PAPPA: variants seen among roughly 807,000 people sequenced by gnomAD.
PAPPA encodes the protein pappalysin-1.
PAPPA carries 60 observed loss-of-function variants against 164.0 expected under a neutral mutation model. That is an observed-to-expected ratio of 0.37 (90% CI 0.30 to 0.45). The LOEUF is 0.45. Among genes scored for constraint, PAPPA ranks in the 20% least tolerant of loss-of-function variants. The pLI is 1.00. For missense variants in PAPPA, 1,782 were observed against 2,087.3 expected (o/e 0.85, Z 2.85); for synonymous variants, 875 against 814.1 (o/e 1.07, Z -1.27).
At chr9:116,321,097 G>C (rs556625902) in intron 10 of PAPPA, among the ~76,000 whole-genome samples, 2 of 150,784 alleles carry the variant, frequency 1.3e-5, no homozygotes, top group Non-Finnish European at 2.9e-5. Context: ...GTGCTATCTC[G>C]GCTCACTGCA....
At chr9:116,312,559 C>T (rs1446568274) in intron 10 of PAPPA, among the ~76,000 whole-genome samples, 4 of 152,118 alleles carry the variant, frequency 2.6e-5, no homozygotes, top group Non-Finnish European at 5.9e-5. Flanking sequence ...TCAAGCCAGA[C>T]CCAAAGGATG....
intron 9 of PAPPA, among the ~76,000 whole-genome samples, chr9:116,277,902 A>G (rs1041230966): frequency 6.6e-6 from 1 of 152,194 alleles, no homozygotes; most frequent in East Asian, 1.9e-4. Flanking sequence ...TCCTGACCTC[A>G]GGTGATCTGC....
chr9:116,188,025 C>A lies in PAPPA; in HGVS notation c.1287C>A (p.Asn429Lys). Residue 429 changes from asparagine to lysine, a missense_variant, in exon 2 of 22, where the codon AAC becomes AAA. Around this residue, in one of 2 missense-constraint regions of PAPPA, gnomAD observed 1,324 missense variants for 1,656.9 expected, o/e 0.80. Coordinates refer to ENST00000328252, the MANE Select transcript of PAPPA (RefSeq NM_002581.5). The part of the protein sequence containing the change: ...IGDENCDPEC[N>K]HTLTGHDGGD... ...ATGAGAACTGTGACCCCGAGTGCAA[C>A]CACACGCTGACGGGCCACGACGGCG... 1 of 1,614,200 alleles carries A rather than the reference C, an allele frequency of 6.2e-7. No homozygotes were observed. Among genetic ancestry groups the A allele is most frequent in the African/African-American group, 1.3e-5 (1 of 75,060 alleles).
intron 2 of PAPPA, 65 bp downstream of exon 2, chr9:116,188,281 A>G (rs1844002692): frequency 1.6e-6 from 2 of 1,227,086 alleles, no homozygotes; most frequent in Non-Finnish European, 2.3e-6. Context: ...CATATTATAG[A>G]TAAGGCACCT....
chr9:116,348,828 T>C (rs535108300), intron 15 of PAPPA, among the ~76,000 whole-genome samples: 11 of 152,358 alleles, frequency 7.2e-5, no homozygotes, highest in African/African-American at 2.4e-4. Flanking sequence ...GCAAAGGATA[T>C]GATCTCATTC....
At chr9:116,284,186 A>G (rs1404586314) in intron 9 of PAPPA, among the ~76,000 whole-genome samples, 1 of 152,228 alleles carries the variant, frequency 6.6e-6, no homozygotes, top group Non-Finnish European at 1.5e-5. Flanking sequence ...CAAAAATAAT[A>G]ATCTAGTTCT....
At chr9:116,169,001 T>A (rs1373842012) in intron 1 of PAPPA, among the ~76,000 whole-genome samples, 1 of 152,152 alleles carries the variant, frequency 6.6e-6, no homozygotes, top group African/African-American at 2.4e-5. Context: ...ACGAACAGAT[T>A]AGAGATGGCT....
chr9:116,334,896 A>G lies in PAPPA; in HGVS notation c.3433A>G (p.Ile1145Val). Residue 1145 changes from isoleucine (I) to valine (V), a missense_variant, in exon 13 of 22, where the codon ATT (isoleucine) becomes GTT (valine). Ile to Val is a conservative substitution (Grantham distance 29). Around this residue, in one of 2 missense-constraint regions of PAPPA, gnomAD observed 1,324 missense variants for 1,656.9 expected, o/e 0.80. Transcript: ENST00000328252. ...HVLSCRNNPLIIPVVHDLSQP... is the reference protein window; with the variant it reads ...HVLSCRNNPLVIPVVHDLSQP... ...CCTGAGCTGCAGGAACAATCCCCTG[A>G]TTATCCCTGTGGTCCATGACCTCAG... The G allele has an allele frequency of 6.2e-7, 1 of 1,613,140 alleles. No individual in the cohort carries two copies. The highest frequency in any genetic ancestry group is 8.5e-7 in the Non-Finnish European group (1 of 1,179,928).
rs75423265 is a variant in PAPPA, at chr9:116,248,753, A to T, written c.2732+13116A>T. ...CCTAGCTTCTTGTGCAAGGCCAGAC[A>T]TCATGTAGATGGTCAATAAATACAG... is the stretch of plus-strand genomic sequence containing the variant. On this transcript the variant is annotated intron_variant, in intron 7 of 21. Coordinates refer to ENST00000328252, the MANE Select transcript of PAPPA (RefSeq NM_002581.5). Among the ~76,000 whole-genome samples the T allele has an allele frequency of 3.5e-3, 528 of 152,374 alleles. 2 individuals carry two copies. The highest frequency in any genetic ancestry group is 0.012 in the African/African-American group (505 of 41,598).
chr9:116,261,894 G>A (rs1248315046), intron 7 of PAPPA, among the ~76,000 whole-genome samples: 1 of 151,554 alleles, frequency 6.6e-6, no homozygotes, highest in East Asian at 1.9e-4. Context: ...AAAGTGTTTT[G>A]TTTTGTTTTG....
chr9:116,181,293 A>G (rs973981932), intron 1 of PAPPA, among the ~76,000 whole-genome samples: 6 of 152,136 alleles, frequency 3.9e-5, no homozygotes, highest in African/African-American at 1.4e-4. Flanking sequence ...TCCAAGATCA[A>G]GGTGTCAGCC....
At chr9:116,377,877 TG>T (rs1846676358) in intron 20 of PAPPA, among the ~76,000 whole-genome samples, 1 of 152,120 alleles carries the variant, frequency 6.6e-6, no homozygotes, top group Non-Finnish European at 1.5e-5. Flanking sequence ...GTAACAGAGT[TG>T]GGTTCCAAGC....
At chr9:116,374,188 G>GTGGTGA (rs776190581) in intron 19 of PAPPA, among the ~76,000 whole-genome samples, 3 of 108,258 alleles carry the variant, frequency 2.8e-5, no homozygotes, top group Non-Finnish European at 6.3e-5. Flanking sequence ...GATGATGGTG[G>GTGGTGA]TGATGATGAT....
intron 9 of PAPPA, among the ~76,000 whole-genome samples, chr9:116,282,107 G>A (rs984185343): frequency 2.6e-5 from 4 of 152,174 alleles, no homozygotes; most frequent in Non-Finnish European, 4.4e-5. Context: ...ATCCTTGGGC[G>A]ATTTCTGCCA....
chr9:116,324,393 T>A (rs772794129), intron 10 of PAPPA, among the ~76,000 whole-genome samples: 7 of 152,212 alleles, frequency 4.6e-5, no homozygotes, highest in Non-Finnish European at 8.8e-5. Flanking sequence ...GTGCCCAGCA[T>A]AGAATAGGCA....
In PAPPA at chr9:116,271,479, A is replaced by T. The variant is rs1845137069; in HGVS notation, c.2953+63A>T. The stretch of plus-strand genomic sequence containing the variant: ...ATGAACGGTGCAGAATGGTTGGTCA[A>T]TGATAATGCCAACAATAGTTATGAC... On this transcript the variant is annotated intron_variant, in intron 9 of 21. Transcript: ENST00000328252. This position sits in a 1 kb window ranked among gnomAD's most constrained non-coding sequence, Gnocchi z 4.2. 9.0e-7 allele frequency: 1 copy of T among 1,116,776 alleles called. No homozygotes were observed. The highest frequency in any genetic ancestry group is 1.5e-5 in the African/African-American group (1 of 65,460). The allele number at this position is 1,116,776 out of a possible 1,614,324, so 69.2% of individuals were successfully genotyped here.
intron 6 of PAPPA, among the ~76,000 whole-genome samples, chr9:116,228,129 T>A (rs1049812833): frequency 1.3e-5 from 2 of 152,190 alleles, no homozygotes; most frequent in Non-Finnish European, 2.9e-5. Context: ...CTGCTCAGGG[T>A]TGTCTCTCAG....
intron 19 of PAPPA, among the ~76,000 whole-genome samples, chr9:116,376,045 G>A (rs1468107121): frequency 5.9e-5 from 8 of 134,714 alleles, no homozygotes; most frequent in South Asian, 2.3e-4. Flanking sequence ...TTTTTGAGAC[G>A]GAGTCTCGCT....
At chr9:116,234,475 G>A (rs771091910) in intron 6 of PAPPA, among the ~76,000 whole-genome samples, 2 of 152,026 alleles carry the variant, frequency 1.3e-5, no homozygotes, top group Non-Finnish European at 2.9e-5. Flanking sequence ...TTCCTCCCAG[G>A]TCCTCAGTCT....
Sources: gnomAD v4.1 joint callset for allele counts (sites outside exome capture counted in the v4.1 genomes callset) on GRCh38, gnomAD v4.1.1 for gene constraint, gnomAD v4.1.1 regional missense constraint, Gnocchi (gnomAD v3.1) non-coding constraint, MANE v1.5 for transcripts, NCBI Gene and HGNC (gene_info 2026-07-23, HGNC 2026-07-21) for gene names.